The following RAD51D variants were observed in gnomAD, a reference collection of about 807,000 sequenced individuals.
The protein encoded by RAD51D is DNA repair protein RAD51 homolog 4.
RAD51D carries 38 observed loss-of-function variants against 44.1 expected under a neutral mutation model. That is an observed-to-expected ratio of 0.86 (90% CI 0.67 to 1.13). The LOEUF is 1.13. Ranked by LOEUF, RAD51D falls within the 50% of genes most tolerant of loss-of-function variation. RAD51D has a pLI of 0.00. For synonymous variants in RAD51D, 141 were observed against 166.6 expected (o/e 0.85, Z 1.18); for missense variants, 390 against 414.0 (o/e 0.94, Z 0.50).
chr17:35,116,291 C>T (rs549158783), intron 3 of RAD51D, among the ~76,000 whole-genome samples: 19 of 152,306 alleles, frequency 1.2e-4, no homozygotes, highest in Non-Finnish European at 2.4e-4. Context: ...CTGTCTATAA[C>T]CCTGCTTTCA....
intron 6 of RAD51D, among the ~76,000 whole-genome samples, chr17:35,105,598 A>G (rs546217528): frequency 6.6e-6 from 1 of 152,218 alleles, no homozygotes; most frequent in Non-Finnish European, 1.5e-5. Context: ...TATCCTCCAC[A>G]TCTAGTCATT....
At chr17:35,106,256 G>A in intron 6 of RAD51D, 130 bp downstream of exon 6, 1 of 799,828 alleles carries the variant, frequency 1.3e-6, no homozygotes, top group East Asian at 2.4e-5. Flanking sequence ...CATCCTGGGA[G>A]TAGCAAGCAT....
Position 35,099,644 on chromosome 17 carries a change from A to G in RAD51D, c.*1309T>C, listed in dbSNP as rs375760033. The stretch of plus-strand genomic sequence containing the variant: ...CCATGATTCTATCCCTGTTGCATTC[A>G]TCACCTCTAAATGTCATTACTTTCT... On this transcript the variant is annotated 3_prime_UTR_variant, in exon 10 of 10. Coordinates refer to ENST00000345365, the MANE Select transcript of RAD51D (RefSeq NM_002878.4). The G allele has an allele frequency of 4.5e-5, 17 of 373,750 alleles. No individual in the cohort carries two copies. The highest frequency in any genetic ancestry group is 3.6e-4 in the African/African-American group (17 of 47,278). The allele number at this position is 373,750 out of a possible 1,614,324, so 23.2% of individuals were successfully genotyped here.
At chr17:35,113,119 C>T (rs2091696915) in intron 3 of RAD51D, among the ~76,000 whole-genome samples, 1 of 152,208 alleles carries the variant, frequency 6.6e-6, no homozygotes. Flanking sequence ...GAAGTTTCTT[C>T]TATGCCACGG....
chr17:35,097,493 GTGTA>G lies in RAD51D; in HGVS notation c.*3456_*3459del, dbSNP rs2091494992. ...TGTGTATATATATGTATATATATGT[GTGTA>G]TATGTGTGTGTGTGTGTGTGTATAT... On this transcript the variant is annotated 3_prime_UTR_variant, in exon 10 of 10. Transcript: ENST00000345365. The G allele has an allele frequency of 2.1e-5, 3 of 145,822 alleles. No homozygotes were observed. Among genetic ancestry groups the G allele is most frequent in the Non-Finnish European group, 3.0e-5 (2 of 67,432 alleles). The allele number at this position is 145,822 out of a possible 1,614,324, so 9.0% of individuals were successfully genotyped here.
At chr17:35,111,870 G>A (rs1314558363) in intron 3 of RAD51D, among the ~76,000 whole-genome samples, 1 of 152,034 alleles carries the variant, frequency 6.6e-6, no homozygotes, top group Non-Finnish European at 1.5e-5. Context: ...GATCAACTTG[G>A]GGACAATTGA....
intron 3 of RAD51D, among the ~76,000 whole-genome samples, chr17:35,111,877 T>C (rs548671157): frequency 1.1e-3 from 167 of 152,322 alleles, no homozygotes; most frequent in African/African-American, 3.8e-3. Flanking sequence ...TTGGGGACAA[T>C]TGAAATCTTC....
intron 6 of RAD51D, chr17:35,106,151 T>C: frequency 1.5e-6 from 1 of 679,012 alleles, no homozygotes; most frequent in Non-Finnish European, 2.8e-6. Flanking sequence ...CAGACATAAA[T>C]ATGACATGAT....
rs779367890 is a variant in RAD51D, at chr17:35,100,100, G to C, written c.*853C>G. 5.4e-5 allele frequency: 29 copies of C among 533,116 alleles called. No homozygotes were observed. The highest frequency in any genetic ancestry group is 6.7e-5 in the Admixed American group (3 of 44,998). 33.0% of individuals were successfully genotyped at this position (533,116 alleles called of 1,614,324 possible). ...TCTGTCTGTTTATGGGCAAGGCCAT[G>C]GTTCAGCACCTCTGGTTATGCTGTA... is the stretch of plus-strand genomic sequence containing the variant. On this transcript the variant is annotated 3_prime_UTR_variant, in exon 10 of 10. Coordinates refer to ENST00000345365, the MANE Select transcript of RAD51D (RefSeq NM_002878.4).
rs540069047 is a variant in RAD51D, at chr17:35,106,261, A to G, written c.576+125T>C. ...TCGGGAATTCCATCCTGGGAGTAGC[A>G]AGCATAGTTGGAGTCACCAGATTGC... On this transcript the variant is annotated intron_variant, in intron 6 of 9. Transcript: ENST00000345365. 2.1e-5 allele frequency: 17 copies of G among 815,772 alleles called. No homozygotes were observed. In the South Asian group the frequency reaches 2.3e-4, roughly 11 times the overall value. The allele number at this position is 815,772 out of a possible 1,614,324, so 50.5% of individuals were successfully genotyped here. A position where few individuals can be genotyped will look rare whatever the true frequency, so the allele number is the denominator to read the frequency against.
chr17:35,108,497 TAAA>T lies in RAD51D; in HGVS notation c.264-1053_264-1051del, dbSNP rs900458144. 1.0e-4 allele frequency among the ~76,000 whole-genome samples: 8 copies of T among 78,428 alleles called. No homozygotes were observed. In the South Asian group the frequency reaches 1.7e-3, roughly 17 times the overall value. 51.5% of individuals were successfully genotyped at this position (78,428 alleles called of 152,430 possible). ...CAACATAGCAAGACCCTTTTCTCTT[TAAA>T]AAAAAAAAAAAAAAAAAAAAAAAGG... On this transcript the variant is annotated intron_variant, in intron 3 of 9. Coordinates refer to ENST00000345365, the MANE Select transcript of RAD51D (RefSeq NM_002878.4).
In RAD51D at chr17:35,097,132, A is replaced by ATT. The variant is rs550416361; in HGVS notation, c.*3819_*3820dup. 1 of 151,586 alleles carries ATT rather than the reference A, an allele frequency of 6.6e-6. No individual in the cohort carries two copies. Among genetic ancestry groups the ATT allele is most frequent in the Non-Finnish European group, 1.5e-5 (1 of 67,918 alleles). 9.4% of individuals were successfully genotyped at this position (151,586 alleles called of 1,614,324 possible). ...GATGTGGGTGTGAACATATATATAT[A>ATT]TTTTTTAGATGGAGTCTCACTCTGT... On this transcript the variant is annotated 3_prime_UTR_variant, in exon 10 of 10. Transcript: ENST00000345365.
chr17:35,107,535 T>C, intron 3 of RAD51D, 88 bp from the exon 4 acceptor site: 2 of 1,064,542 alleles, frequency 1.9e-6, no homozygotes, highest in Non-Finnish European at 2.9e-6. Context: ...GACATTTCTT[T>C]CAAGCACTGG....
rs970101126 is a variant in RAD51D at position 35,097,055 on chromosome 17, T to C, written c.*3898A>G. 6.6e-6 allele frequency: 1 copy of C among 152,142 alleles called. No homozygotes were observed. Among genetic ancestry groups the C allele is most frequent in the Non-Finnish European group, 1.5e-5 (1 of 68,032 alleles). The allele number at this position is 152,142 out of a possible 1,614,324, so 9.4% of individuals were successfully genotyped here. ...TTCATCTGATGTCAGACGAAGGGCA[T>C]ACAATAGTCCCCTGTAAAAAGATAT... On this transcript the variant is annotated 3_prime_UTR_variant, in exon 10 of 10. Coordinates refer to ENST00000345365, the MANE Select transcript of RAD51D (RefSeq NM_002878.4).
At chr17:35,117,072 A>G in intron 3 of RAD51D, 1 of 1,582,466 alleles carries the variant, frequency 6.3e-7, no homozygotes, top group Non-Finnish European at 8.6e-7. Flanking sequence ...GCCCAAGGCC[A>G]ATCGGCTTCC....
chr17:35,115,037 TGA>T (rs2091720739), intron 3 of RAD51D, among the ~76,000 whole-genome samples: 1 of 152,178 alleles, frequency 6.6e-6, no homozygotes, highest in South Asian at 2.1e-4. Context: ...ACTTCTCACC[TGA>T]GTTTCCATTC....
intron 6 of RAD51D, among the ~76,000 whole-genome samples, chr17:35,104,679 T>C (rs930150075): frequency 1.3e-5 from 2 of 152,202 alleles, no homozygotes; most frequent in African/African-American, 4.8e-5. Context: ...CCACCAAGCC[T>C]AGCCTGTGCC....
Position 35,103,209 on chromosome 17 carries a change from G to A in RAD51D, c.738+45C>T, listed in dbSNP as rs762047450. 56 of 1,545,192 alleles carry A rather than the reference G, an allele frequency of 3.6e-5. No individual in the cohort carries two copies. In the Admixed American group the frequency reaches 9.1e-4, roughly 25 times the overall value. ...GACATTTAAGGGAAATAAAGAGCTC[G>A]CAATAACTAGAAATCAAGTTCATTG... On this transcript the variant is annotated intron_variant, in intron 8 of 9. Transcript: ENST00000345365. This position sits in a 1 kb window ranked among gnomAD's most constrained non-coding sequence, Gnocchi z 4.1.
At chr17:35,115,489 G>A (rs1356035421) in intron 3 of RAD51D, among the ~76,000 whole-genome samples, 3 of 152,120 alleles carry the variant, frequency 2.0e-5, no homozygotes, top group East Asian at 1.9e-4. Context: ...ATTTGGATTA[G>A]TCAGGCATTT....
Sources: allele counts gnomAD v4.1 joint callset (sites outside exome capture counted in the v4.1 genomes callset), GRCh38; gene constraint gnomAD v4.1.1; non-coding constraint Gnocchi (gnomAD v3.1); transcripts MANE v1.5; gene names NCBI Gene and HGNC (gene_info 2026-07-23, HGNC 2026-07-21).